Variants in PLCB4 observed in about 807,000 individuals in gnomAD.
The protein encoded by PLCB4 is phospholipase C beta 4, also known as 1-phosphatidylinositol 4,5-bisphosphate phosphodiesterase beta-4.
In PLCB4, 77 loss-of-function variants were observed where a neutral mutation model predicts 178.8. The observed-to-expected ratio is 0.43, with a 90% CI of 0.36 to 0.52. The LOEUF (loss-of-function observed/expected upper bound fraction) is 0.52. Ranked by LOEUF, PLCB4 falls within the 20% of genes least tolerant of loss-of-function variation. PLCB4 has a pLI of 0.00. For synonymous variants in PLCB4, 496 were observed against 490.8 expected, an observed-to-expected ratio of 1.01 and a Z score of -0.14; for missense variants, 1,024 against 1,453.4, an observed-to-expected ratio of 0.70 and a Z score of 4.80.
chr20:9,452,103 C>G (rs1430971566), intron 32 of PLCB4, among the ~76,000 whole-genome samples: 1 of 152,150 alleles, frequency 6.6e-6, no homozygotes, highest in Non-Finnish European at 1.5e-5. Context: ...ACTCCTTCTC[C>G]TAAAGACAAG....
chr20:9,475,925 A>G (rs2044512178), intron 38 of PLCB4, among the ~76,000 whole-genome samples: 1 of 152,222 alleles, frequency 6.6e-6, no homozygotes. Flanking sequence ...AGACAATGCA[A>G]ACTTCTACAA....
chr20:9,082,604 G>A (rs1295440384), intron 1 of PLCB4, among the ~76,000 whole-genome samples: 2 of 152,152 alleles, frequency 1.3e-5, no homozygotes, highest in African/African-American at 4.8e-5. Flanking sequence ...ACAACATTTA[G>A]GAGGATTATA....
At chr20:9,173,492 G>A (rs2093100115) in intron 2 of PLCB4, among the ~76,000 whole-genome samples, 1 of 152,130 alleles carries the variant, frequency 6.6e-6, no homozygotes, top group East Asian at 1.9e-4. Context: ...GTGGCTTAAA[G>A]CACAGATTTA....
chr20:9,267,756 A>T (rs894406836), intron 3 of PLCB4, among the ~76,000 whole-genome samples: 1 of 152,140 alleles, frequency 6.6e-6, no homozygotes, highest in African/African-American at 2.4e-5. Context: ...TTAATCTCCA[A>T]TGTGGCAATC....
intron 3 of PLCB4, among the ~76,000 whole-genome samples, chr20:9,267,227 C>T (rs1027425708): frequency 2.0e-5 from 3 of 152,040 alleles, no homozygotes; most frequent in Non-Finnish European, 2.9e-5. Context: ...AAATATGTGC[C>T]AAATATGACA....
intron 6 of PLCB4, among the ~76,000 whole-genome samples, chr20:9,338,533 A>C (rs888100566): frequency 1.3e-5 from 2 of 151,694 alleles, no homozygotes; most frequent in African/African-American, 4.8e-5. Flanking sequence ...TACAAAAATT[A>C]GGGTGTGTTA....
chr20:9,297,432 T>C (rs572154934), intron 3 of PLCB4, among the ~76,000 whole-genome samples: 2 of 152,044 alleles, frequency 1.3e-5, no homozygotes, highest in East Asian at 3.9e-4. Flanking sequence ...ACTGCTTGGG[T>C]GATGGGTGCA....
intron 2 of PLCB4, among the ~76,000 whole-genome samples, chr20:9,193,109 C>A (rs978632981): frequency 3.9e-5 from 6 of 152,208 alleles, no homozygotes; most frequent in Non-Finnish European, 5.9e-5. Flanking sequence ...TGAGCACCTA[C>A]CATGTGCTGG....
At chr20:9,247,032 C>T (rs2094133311) in intron 3 of PLCB4, among the ~76,000 whole-genome samples, 1 of 152,056 alleles carries the variant, frequency 6.6e-6, no homozygotes, top group Admixed American at 6.6e-5. Flanking sequence ...CTCTTAGTTA[C>T]TATTATTTCA....
intron 3 of PLCB4, among the ~76,000 whole-genome samples, chr20:9,288,662 C>T (rs1361793925): frequency 6.6e-6 from 1 of 151,536 alleles, no homozygotes; most frequent in Admixed American, 6.6e-5. Flanking sequence ...TACTGAGAGC[C>T]AAAAAGGATA....
chr20:9,137,179 C>A (rs886952843), intron 2 of PLCB4, among the ~76,000 whole-genome samples: 1 of 152,114 alleles, frequency 6.6e-6, no homozygotes, highest in South Asian at 2.1e-4. Flanking sequence ...TTTCCCTAAT[C>A]CCTGCCCACA....
intron 3 of PLCB4, among the ~76,000 whole-genome samples, chr20:9,230,716 G>A (rs531683821): frequency 1.3e-5 from 2 of 152,092 alleles, no homozygotes; most frequent in Non-Finnish European, 2.9e-5. Flanking sequence ...GGTGTAGGGT[G>A]GTCTTAGCTG....
chr20:9,081,759 A>T (rs2146518379), intron 1 of PLCB4, among the ~76,000 whole-genome samples: 1 of 144,634 alleles, frequency 6.9e-6, no homozygotes. Flanking sequence ...AAACAATCTG[A>T]TGATTAAGCA....
intron 2 of PLCB4, among the ~76,000 whole-genome samples, chr20:9,158,559 G>A (rs964321706): frequency 6.7e-6 from 1 of 149,060 alleles, no homozygotes; most frequent in Non-Finnish European, 1.5e-5. Flanking sequence ...GTGAGCCACT[G>A]CACCTGGCCA....
intron 3 of PLCB4, among the ~76,000 whole-genome samples, chr20:9,243,672 T>C (rs149188608): frequency 9.4e-4 from 143 of 152,222 alleles, no homozygotes; most frequent in African/African-American, 3.2e-3. Context: ...GGAAGTTTGG[T>C]TTTTTAAAAC....
At chr20:9,365,403 A>C in intron 8 of PLCB4, 58 bp from the exon 9 acceptor site, 2 of 1,047,916 alleles carry the variant, frequency 1.9e-6, no homozygotes, top group Non-Finnish European at 3.0e-6. Flanking sequence ...TTCTTAACAG[A>C]ATTGAAGCTG....
intron 25 of PLCB4, among the ~76,000 whole-genome samples, 157 bp from the exon 26 acceptor site, chr20:9,419,650 A>C (rs558358917): frequency 4.6e-5 from 7 of 152,336 alleles, no homozygotes; most frequent in African/African-American, 1.7e-4. Flanking sequence ...GTTGTGCATA[A>C]GGGCGGGCAC....
intron 25 of PLCB4, among the ~76,000 whole-genome samples, chr20:9,413,638 G>A (rs1232888034): frequency 7.1e-6 from 1 of 141,096 alleles, no homozygotes; most frequent in Non-Finnish European, 1.5e-5. Context: ...CAGCCTGGGT[G>A]ACAGAGCAAG....
chr20:9,126,771 CTTTTT>C (rs34634088), intron 2 of PLCB4, among the ~76,000 whole-genome samples: 1 of 119,708 alleles, frequency 8.4e-6, no homozygotes. Flanking sequence ...ATTTCATTTG[CTTTTT>C]TTTTTTTTTT....
Sources: gnomAD v4.1 joint callset for allele counts (sites outside exome capture counted in the v4.1 genomes callset) on GRCh38, gnomAD v4.1.1 for gene constraint, MANE v1.5 for transcripts, NCBI Gene and HGNC (gene_info 2026-07-23, HGNC 2026-07-21) for gene names.